The following SLC6A3 variants were observed in gnomAD, a reference collection of about 807,000 sequenced individuals.
SLC6A3 encodes solute carrier family 6 member 3, also known as sodium-dependent dopamine transporter.
Under a neutral mutation model 70.4 loss-of-function variants are expected in SLC6A3, and 19 were observed. The ratio of observed to expected loss-of-function variants is 0.27; its 90% confidence interval spans 0.19 to 0.40. The LOEUF is 0.40. SLC6A3 is among the 10% of genes least tolerant of loss of function. The probability of loss-of-function intolerance (pLI) is 1.00; values close to 1 mark genes in which losing one functional copy is unlikely to be tolerated. For missense variants in SLC6A3, 613 were observed against 838.5 expected (o/e 0.73, Z 3.32); for synonymous variants, 368 against 356.6 (o/e 1.03, Z -0.36).
intron 14 of SLC6A3, 122 bp downstream of exon 14, chr5:1,400,793 T>C: frequency 1.3e-6 from 1 of 774,908 alleles, no homozygotes. Flanking sequence ...ATAGAGCACA[T>C]GCTGGCTGAG....
In SLC6A3 at chr5:1,406,733, C is replaced by G. The variant is rs549816745; in HGVS notation, c.1499-445G>C. ...ACATTCACATACTGTGTAACCGTCA[C>G]CACCGTCCATCTTCAGAACTCCATC... On this transcript the variant is annotated intron_variant, in intron 11 of 14. Coordinates refer to ENST00000270349, the MANE Select transcript of SLC6A3 (RefSeq NM_001044.5). This position sits in a 1 kb window ranked among gnomAD's most constrained non-coding sequence, Gnocchi z 8.8. 2.0e-5 allele frequency among the ~76,000 whole-genome samples: 3 copies of G among 152,300 alleles called. No individual in the cohort carries two copies. Among genetic ancestry groups the G allele is most frequent in the African/African-American group, 7.2e-5 (3 of 41,570 alleles).
chr5:1,420,439 T>C, intron 6 of SLC6A3, 130 bp downstream of exon 6: 1 of 1,019,250 alleles, frequency 9.8e-7, no homozygotes, highest in South Asian at 1.3e-5. Context: ...ACTTGGGATT[T>C]GGCTTCCCGA....
chr5:1,416,582 C>G, intron 6 of SLC6A3: 1 of 373,036 alleles, frequency 2.7e-6, no homozygotes, highest in South Asian at 2.2e-5. Flanking sequence ...CTCATCTACA[C>G]AAAACATGAC....
chr5:1,409,190 G>T, intron 10 of SLC6A3, 65 bp from the exon 11 acceptor site: 3 of 1,152,102 alleles, frequency 2.6e-6, no homozygotes, highest in Middle Eastern at 1.9e-4. Flanking sequence ...CCAGCCTGGG[G>T]ATTCACTGTG....
chr5:1,409,687 A>G (rs772763112), intron 10 of SLC6A3, 34 bp downstream of exon 10: 10 of 1,612,048 alleles, frequency 6.2e-6, no homozygotes, highest in Non-Finnish European at 8.5e-6. Context: ...AGGAGACATG[A>G]CCAGGAGAAG....
At position 1,442,878 on chromosome 5, in the gene SLC6A3, C is replaced by A. The variant is rs1366776893; in HGVS notation, c.286+34G>T. The A allele has an allele frequency of 1.2e-6, 2 of 1,613,130 alleles. No homozygotes were observed. Among genetic ancestry groups the A allele is most frequent in the East Asian group, 4.5e-5 (2 of 44,876 alleles). On this transcript the variant is annotated intron_variant, in intron 2 of 14. Coordinates refer to ENST00000270349, the MANE Select transcript of SLC6A3 (RefSeq NM_001044.5). The surrounding 1 kb of genome is among the most constrained non-coding windows in gnomAD (Gnocchi z 5.0). The stretch of plus-strand genomic sequence containing the variant: ...GGCTGCCCCTACGACCCCCGCCCGG[C>A]CAGCATGCTCAGGGAGGCTGAGATG...
intron 14 of SLC6A3, among the ~76,000 whole-genome samples, chr5:1,399,669 G>T (rs1235355181): frequency 6.6e-6 from 1 of 152,180 alleles, no homozygotes; most frequent in Non-Finnish European, 1.5e-5. Flanking sequence ...TGGATGGGAT[G>T]GGATGCCTGG....
At chr5:1,422,728 G>A (rs1344530906) in intron 4 of SLC6A3, among the ~76,000 whole-genome samples, 2 of 75,868 alleles carry the variant, frequency 2.6e-5, no homozygotes, top group Non-Finnish European at 4.9e-5. Flanking sequence ...CCACGGTGCT[G>A]GGTGCCCACC....
chr5:1,402,008 G>A lies in SLC6A3; in HGVS notation c.1767+914C>T, dbSNP rs1258902651. Reference sequence around the variant, plus strand: ...CCTGCACTGGGCCTTGGCCTGGCCAGGCTGCTGGAGAGACTGGCTCAGTGC... The same window carrying A: ...CCTGCACTGGGCCTTGGCCTGGCCAAGCTGCTGGAGAGACTGGCTCAGTGC... On this transcript the variant is annotated intron_variant, in intron 13 of 14. Transcript: ENST00000270349. The surrounding 1 kb of genome is among the most constrained non-coding windows in gnomAD (Gnocchi z 8.5). Among the ~76,000 whole-genome samples, 2 of 152,196 alleles carry A rather than the reference G, an allele frequency of 1.3e-5. No homozygotes were observed. Among genetic ancestry groups the A allele is most frequent in the South Asian group, 2.1e-4 (1 of 4,832 alleles).
At chr5:1,403,235 C>T in intron 12 of SLC6A3, 146 bp from the exon 13 acceptor site, 1 of 888,664 alleles carries the variant, frequency 1.1e-6, no homozygotes, top group Non-Finnish European at 1.8e-6. Context: ...GCAGACATGG[C>T]AGCTGGGCAT....
In SLC6A3 at chr5:1,408,203, A is replaced by ATTTTT. The variant is rs760385170; in HGVS notation, c.1498+818_1498+822dup. On this transcript the variant is annotated intron_variant, in intron 11 of 14. Coordinates refer to ENST00000270349, the MANE Select transcript of SLC6A3 (RefSeq NM_001044.5). This position sits in a 1 kb window ranked among gnomAD's most constrained non-coding sequence, Gnocchi z 6.4. Reference sequence around the variant, plus strand: ...AGCCTTGTGCCACCACACCCGGCTAATTTTTTTTTTTTTTTTTTTTAGTAA... The same window carrying ATTTTT: ...AGCCTTGTGCCACCACACCCGGCTAATTTTTTTTTTTTTTTTTTTTTTTTTAGTAA... Among the ~76,000 whole-genome samples, 18,850 of 131,066 alleles carry ATTTTT rather than the reference A, an allele frequency of 0.14. 1,527 individuals carry two copies. Among genetic ancestry groups the ATTTTT allele is most frequent in the Non-Finnish European group, 0.2 (12,325 of 62,054 alleles). 86.0% of individuals were successfully genotyped at this position (131,066 alleles called of 152,430 possible).
chr5:1,402,789 T>C lies in SLC6A3; in HGVS notation c.1767+133A>G. 2.3e-6 allele frequency: 2 copies of C among 887,906 alleles called. No homozygotes were observed. The highest frequency in any genetic ancestry group is 2.9e-5 in the South Asian group (2 of 69,966). 55.0% of individuals were successfully genotyped at this position (887,906 alleles called of 1,614,324 possible). ...ACACACGCACACACACACACAGTGTTGTGGTGGCCACCTCCAGTCTCCTCC... is the reference window on the plus strand; with the variant it reads ...ACACACGCACACACACACACAGTGTCGTGGTGGCCACCTCCAGTCTCCTCC... On this transcript the variant is annotated intron_variant, in intron 13 of 14. Coordinates refer to ENST00000270349, the MANE Select transcript of SLC6A3 (RefSeq NM_001044.5). This position sits in a 1 kb window ranked among gnomAD's most constrained non-coding sequence, Gnocchi z 8.5.
chr5:1,394,446 C>T lies in SLC6A3; in HGVS notation c.*289G>A, dbSNP rs977672763. Reference sequence around the variant, plus strand: ...AGGGAGGGAGGGAGCCTCACACAGACAGCATGAAGTTAGACGTTTTTCTGC... The same window carrying T: ...AGGGAGGGAGGGAGCCTCACACAGATAGCATGAAGTTAGACGTTTTTCTGC... On this transcript the variant is annotated 3_prime_UTR_variant, in exon 15 of 15. Coordinates refer to ENST00000270349, the MANE Select transcript of SLC6A3 (RefSeq NM_001044.5). The surrounding 1 kb of genome is among the most constrained non-coding windows in gnomAD (Gnocchi z 4.7). The T allele has an allele frequency of 3.0e-5, 17 of 563,360 alleles. No homozygotes were observed. The African/African-American group carries it at 3.0e-4, about 10-fold the overall frequency. The allele number at this position is 563,360 out of a possible 1,614,324, so 34.9% of individuals were successfully genotyped here.
intron 4 of SLC6A3, among the ~76,000 whole-genome samples, chr5:1,425,121 G>A (rs960504580): frequency 1.3e-5 from 2 of 152,230 alleles, no homozygotes; most frequent in African/African-American, 4.8e-5. Context: ...AAAAGACACA[G>A]CACCTCCCAA....
At chr5:1,414,439 G>C in intron 8 of SLC6A3, among the ~76,000 whole-genome samples, 1 of 150,674 alleles carries the variant, frequency 6.6e-6, no homozygotes, top group African/African-American at 2.5e-5. Flanking sequence ...GCACTGGGTG[G>C]GGGGCCGGGA....
intron 1 of SLC6A3, among the ~76,000 whole-genome samples, chr5:1,444,202 G>A (rs1733746611): frequency 6.6e-6 from 1 of 152,122 alleles, no homozygotes. Context: ...CTAGCTCCTG[G>A]GCCAGCAGGG....
intron 6 of SLC6A3, among the ~76,000 whole-genome samples, chr5:1,419,332 C>CATCT (rs1278963615): frequency 6.7e-6 from 1 of 149,472 alleles, no homozygotes; most frequent in African/African-American, 2.4e-5. Flanking sequence ...TTCATCCATC[C>CATCT]ATCCATCCAT....
Position 1,404,727 on chromosome 5 carries a change from T to C in SLC6A3, c.1599+1461A>G, listed in dbSNP as rs1214522410. 6.6e-6 allele frequency among the ~76,000 whole-genome samples: 1 copy of C among 152,248 alleles called. No individual in the cohort carries two copies. Among genetic ancestry groups the C allele is most frequent in the Non-Finnish European group, 1.5e-5 (1 of 68,050 alleles). ...TCAGAACTTCATAGGAATTGTGCTG[T>C]CATATTAAATACAAAATGACATAGA... On this transcript the variant is annotated intron_variant, in intron 12 of 14. Coordinates refer to ENST00000270349, the MANE Select transcript of SLC6A3 (RefSeq NM_001044.5). The surrounding 1 kb of genome is among the most constrained non-coding windows in gnomAD (Gnocchi z 5.2).
intron 6 of SLC6A3, 199 bp from the exon 7 acceptor site, chr5:1,416,400 G>C: frequency 1.6e-6 from 1 of 623,138 alleles, no homozygotes; most frequent in Non-Finnish European, 2.9e-6. Flanking sequence ...GCCTGGAAGA[G>C]CCTGAGAAGC....
Sources: allele counts gnomAD v4.1 joint callset (sites outside exome capture counted in the v4.1 genomes callset), GRCh38; gene constraint gnomAD v4.1.1; non-coding constraint Gnocchi (gnomAD v3.1); transcripts MANE v1.5; gene names NCBI Gene and HGNC (gene_info 2026-07-23, HGNC 2026-07-21).